The following RASIP1 variants were observed in gnomAD, a reference collection of about 807,000 sequenced individuals.
RASIP1 encodes Ras interacting protein 1.
Under a neutral mutation model 85.3 loss-of-function variants are expected in RASIP1, and 20 were observed. The observed-to-expected ratio is 0.23, with a 90% CI of 0.17 to 0.34. The LOEUF is 0.34. Among genes scored for constraint, RASIP1 ranks in the 10% least tolerant of loss-of-function variants. The pLI is 1.00. For missense variants in RASIP1, 1,170 were observed against 1,390.9 expected (o/e 0.84, Z 2.53); for synonymous variants, 617 against 647.1 (o/e 0.95, Z 0.71).
At chr19:48,734,952 C>T (rs2033542210) in intron 4 of RASIP1, among the ~76,000 whole-genome samples, 1 of 152,188 alleles carries the variant, frequency 6.6e-6, no homozygotes, top group African/African-American at 2.4e-5. Flanking sequence ...TTAATGAAGA[C>T]AGTGCTTTCC....
chr19:48,723,034 T>C (rs1260652902), intron 10 of RASIP1, among the ~76,000 whole-genome samples: 1 of 151,724 alleles, frequency 6.6e-6, no homozygotes, highest in African/African-American at 2.4e-5. Context: ...CACAGACGTG[T>C]GCCTCCACAC....
rs2033605323 is a variant in RASIP1 at position 48,738,110 on chromosome 19, A to C, written c.823+850T>G. Among the ~76,000 whole-genome samples, 1 of 152,056 alleles carries C rather than the reference A, an allele frequency of 6.6e-6. No homozygotes were observed. The highest frequency in any genetic ancestry group is 1.5e-5 in the Non-Finnish European group (1 of 68,008). ...CAGGCATGCGTCACCACGCTCGGCTAATTTTTGTATTTTTAGAAGAGACAG... is the reference window on the plus strand; with the variant it reads ...CAGGCATGCGTCACCACGCTCGGCTCATTTTTGTATTTTTAGAAGAGACAG... On this transcript the variant is annotated intron_variant, in intron 3 of 11. Transcript: ENST00000222145. The surrounding 1 kb of genome is among the most constrained non-coding windows in gnomAD (Gnocchi z 4.0).
At chr19:48,731,999 G>A (rs2033466431) in intron 4 of RASIP1, among the ~76,000 whole-genome samples, 1 of 151,802 alleles carries the variant, frequency 6.6e-6, no homozygotes, top group African/African-American at 2.4e-5. Context: ...TCCTACAATA[G>A]ATTCACCTGG....
rs1472008165 is a variant in RASIP1, at chr19:48,740,317, T to C, written c.-4-31A>G. 3 of 1,548,328 alleles carry C rather than the reference T, an allele frequency of 1.9e-6. No individual in the cohort carries two copies. The highest frequency in any genetic ancestry group is 2.6e-6 in the Non-Finnish European group (3 of 1,151,268). On this transcript the variant is annotated intron_variant, in intron 1 of 11. Transcript: ENST00000222145. This position sits in a 1 kb window ranked among gnomAD's most constrained non-coding sequence, Gnocchi z 5.5. ...GGAAGGCGGGTAAGGCCCCAACTCCTAAGGCATTCTTGTGGGGATGGGGTG... is the reference window on the plus strand; with the variant it reads ...GGAAGGCGGGTAAGGCCCCAACTCCCAAGGCATTCTTGTGGGGATGGGGTG...
intron 4 of RASIP1, among the ~76,000 whole-genome samples, chr19:48,730,368 T>G (rs886704841): frequency 2.0e-5 from 3 of 151,998 alleles, no homozygotes; most frequent in Non-Finnish European, 2.9e-5. Flanking sequence ...GTCACCATGT[T>G]GGCCAGGATG....
At chr19:48,721,183 C>A (rs1253963544) in intron 11 of RASIP1, among the ~76,000 whole-genome samples, 186 bp from the exon 12 acceptor site, 1 of 152,082 alleles carries the variant, frequency 6.6e-6, no homozygotes, top group Non-Finnish European at 1.5e-5. Flanking sequence ...GTAGTTCAGA[C>A]GATGGAAGGC....
chr19:48,736,474 G>T (rs1191882599), intron 3 of RASIP1, among the ~76,000 whole-genome samples: 1 of 152,150 alleles, frequency 6.6e-6, no homozygotes, highest in Non-Finnish European at 1.5e-5. Flanking sequence ...CAAGTCACTG[G>T]ATAACAGAGA....
intron 5 of RASIP1, among the ~76,000 whole-genome samples, chr19:48,728,460 G>T (rs376602920): frequency 1.1e-3 from 163 of 152,162 alleles, no homozygotes; most frequent in African/African-American, 3.2e-3. Flanking sequence ...CTATGGGGGG[G>T]CCCCTTGCTT....
In RASIP1 at chr19:48,740,051, G is replaced by T. The variant is rs376421055; in HGVS notation, c.137+95C>A. ...GCTCGTTTGCCCAATTCAGGATGAG[G>T]ACCGGAGCCAACACTTTGCAGGGAC... is the stretch of plus-strand genomic sequence containing the variant. On this transcript the variant is annotated intron_variant, in intron 2 of 11. Coordinates refer to ENST00000222145, the MANE Select transcript of RASIP1 (RefSeq NM_017805.3). The surrounding 1 kb of genome is among the most constrained non-coding windows in gnomAD (Gnocchi z 5.5). 1.4e-6 allele frequency: 2 copies of T among 1,431,738 alleles called. No individual in the cohort carries two copies. Among genetic ancestry groups the T allele is most frequent in the East Asian group, 2.6e-5 (1 of 37,760 alleles). 88.7% of individuals were successfully genotyped at this position (1,431,738 alleles called of 1,614,324 possible).
At position 48,721,014 on chromosome 19, in the gene RASIP1, G is replaced by C; in HGVS notation, c.2693-17C>G. On this transcript the variant is annotated splice_polypyrimidine_tract_variant and intron_variant, in intron 11 of 11. Transcript: ENST00000222145. ...AGATGTCCCCTGTGAGGCCGAAGGC[G>C]GCGCGGTTAGAGTCTGAAAGTGGGA... The C allele has an allele frequency of 6.4e-7, 1 of 1,569,494 alleles. No homozygotes were observed. The highest frequency in any genetic ancestry group is 8.6e-7 in the Non-Finnish European group (1 of 1,158,764).
At chr19:48,726,969 G>C in intron 7 of RASIP1, 38 bp downstream of exon 7, 4 of 1,612,592 alleles carry the variant, frequency 2.5e-6, no homozygotes, top group Non-Finnish European at 2.5e-6. Flanking sequence ...GGGCATGATG[G>C]GAGACTTGGA....
Position 48,727,068 on chromosome 19 carries a change from C to T in RASIP1, c.1962G>A (p.Thr654=), listed in dbSNP as rs200707996. Residue 654 remains threonine, a synonymous_variant, in exon 7 of 12, where the codon ACG becomes ACA. Coordinates refer to ENST00000222145, the MANE Select transcript of RASIP1 (RefSeq NM_017805.3). ...RPLMLWMANT[T]ELLSFVQEKV... is the part of the protein sequence containing the mutation. The stretch of plus-strand genomic sequence containing the variant: ...TCTCCTGCACAAAGCTAAGCAGCTC[C>T]GTGGTGTTGGCCATCCACAGCATGA... 1.1e-5 allele frequency: 17 copies of T among 1,614,186 alleles called. No homozygotes were observed. Among genetic ancestry groups the T allele is most frequent in the East Asian group, 2.2e-5 (1 of 44,884 alleles).
chr19:48,730,291 G>A (rs1280426362), intron 4 of RASIP1, among the ~76,000 whole-genome samples: 7 of 151,570 alleles, frequency 4.6e-5, no homozygotes, highest in Admixed American at 2.0e-4. Flanking sequence ...TCAACCTCCC[G>A]AGTAGTTGAG....
chr19:48,739,463 C>T lies in RASIP1; in HGVS notation c.320G>A (p.Gly107Glu), dbSNP rs1446749511. ...GTGTTGSSGA[G>E]GPGTPGGAQR... is the part of the protein sequence containing the mutation. ...CGCGCCCCCCGGGGTCCCAGGGCCT[C>T]CTGCGCCGCTGGACCCCGTGGTCCC... Residue 107 changes from glycine (G) to glutamate (E), a missense_variant, in exon 3 of 12, where the codon GGA (glycine) becomes GAA (glutamate). This residue lies in a region of RASIP1 where 299 missense variants were observed against 394.4 expected (regional missense o/e 0.76). Coordinates refer to ENST00000222145, the MANE Select transcript of RASIP1 (RefSeq NM_017805.3). This position sits in a 1 kb window ranked among gnomAD's most constrained non-coding sequence, Gnocchi z 9.2. 6.8e-7 allele frequency: 1 copy of T among 1,477,504 alleles called. No homozygotes were observed. The highest frequency in any genetic ancestry group is 2.3e-5 in the Admixed American group (1 of 43,362). 91.5% of individuals were successfully genotyped at this position (1,477,504 alleles called of 1,614,324 possible). A position where few individuals can be genotyped will look rare whatever the true frequency, so the allele number is the denominator to read the frequency against.
chr19:48,732,439 A>G (rs867295915), intron 4 of RASIP1, among the ~76,000 whole-genome samples: 2 of 151,774 alleles, frequency 1.3e-5, no homozygotes, highest in Middle Eastern at 3.4e-3. Context: ...TATTTTTAGT[A>G]GACATAGGGT....
Position 48,739,637 on chromosome 19 carries a change from G to A in RASIP1, c.146C>T (p.Ser49Leu). 7.0e-7 allele frequency: 1 copy of A among 1,424,656 alleles called. No individual in the cohort carries two copies. The highest frequency in any genetic ancestry group is 9.2e-7 in the Non-Finnish European group (1 of 1,088,302). 88.3% of individuals were successfully genotyped at this position (1,424,656 alleles called of 1,614,324 possible). ...WPSAASVKSS[S>L]SDTGSRSSEP... ...GCTGCTGCGGCTCCCCGTGTCCGAC[G>A]AAGAAGACCTGGGAGTCCGCCGGGG... Residue 49 changes from serine to leucine, a missense_variant, in exon 3 of 12, where the codon TCG (serine) becomes TTG (leucine). By Grantham distance (145) the Ser-to-Leu change is moderately radical. This residue lies in a region of RASIP1 where 299 missense variants were observed against 394.4 expected (regional missense o/e 0.76). Transcript: ENST00000222145. This position sits in a 1 kb window ranked among gnomAD's most constrained non-coding sequence, Gnocchi z 9.2.
At chr19:48,722,242 GAAAT>G (rs755941571) in intron 10 of RASIP1, among the ~76,000 whole-genome samples, 12 of 151,780 alleles carry the variant, frequency 7.9e-5, no homozygotes, top group East Asian at 5.8e-4. Context: ...GAGTAGGGTG[GAAAT>G]AAATAAGATT....
chr19:48,723,951 G>T (rs1374334992), intron 10 of RASIP1, among the ~76,000 whole-genome samples: 1 of 152,098 alleles, frequency 6.6e-6, no homozygotes, highest in Non-Finnish European at 1.5e-5. Flanking sequence ...GGGATTACAG[G>T]CGTGCGCCAT....
chr19:48,737,570 C>T, intron 3 of RASIP1: 5 of 985,374 alleles, frequency 5.1e-6, no homozygotes, highest in Non-Finnish European at 1.2e-6. Context: ...CAAGGCCGGC[C>T]CCTCAGCGGC....
Sources: gnomAD v4.1 joint callset for allele counts (sites outside exome capture counted in the v4.1 genomes callset) on GRCh38, gnomAD v4.1.1 for gene constraint, gnomAD v4.1.1 regional missense constraint, Gnocchi (gnomAD v3.1) non-coding constraint, MANE v1.5 for transcripts, NCBI Gene and HGNC (gene_info 2026-07-23, HGNC 2026-07-21) for gene names.